JPH3: variants seen among roughly 807,000 people sequenced by gnomAD.
JPH3 encodes the protein junctophilin 3, also known as junctophilin-3.
Under a neutral mutation model 59.6 loss-of-function variants are expected in JPH3, and 11 were observed. The observed-to-expected ratio is 0.18, with a 90% CI of 0.12 to 0.31. JPH3 has a LOEUF of 0.31. JPH3 is among the 10% of genes least tolerant of loss of function. JPH3 has a pLI of 1.00. For synonymous variants in JPH3, 673 were observed against 483.6 expected (o/e 1.39, Z -5.14); for missense variants, 1,202 against 1,105.7 (o/e 1.09, Z -1.24).
At position 87,684,207 on chromosome 16, in the gene JPH3, C is replaced by T. The variant is rs1481216996; in HGVS notation, c.1226C>T (p.Ala409Val). The change falls in exon 3 of 5, where the codon GCG becomes GTG. Residue 409 changes from alanine (A) to valine (V), a missense_variant. By Grantham distance (64) the Ala-to-Val change is moderately conservative (BLOSUM62 0). Coordinates refer to ENST00000284262, the MANE Select transcript of JPH3 (RefSeq NM_020655.4). ...LTAAQKAQEEARIARITAKEF... is the reference protein window; with the variant it reads ...LTAAQKAQEEVRIARITAKEF... ...GCAGCTCAGAAAGCCCAGGAGGAGGCGCGGATCGCCAGGATCACTGCCAAA... is the reference window on the plus strand; with the variant it reads ...GCAGCTCAGAAAGCCCAGGAGGAGGTGCGGATCGCCAGGATCACTGCCAAA... 8 of 1,613,838 alleles carry T rather than the reference C, an allele frequency of 5.0e-6. No homozygotes were observed. The highest frequency in any genetic ancestry group is 4.0e-5 in the African/African-American group (3 of 74,926).
At chr16:87,641,202 G>A (rs1555536617) in intron 1 of JPH3, among the ~76,000 whole-genome samples, 1 of 152,200 alleles carries the variant, frequency 6.6e-6, no homozygotes, top group Non-Finnish European at 1.5e-5. Flanking sequence ...TGGGGTCCCT[G>A]GGGTCCGGTC....
In JPH3 at chr16:87,690,215, C is replaced by G; in HGVS notation, c.1855C>G (p.Leu619Val). ...CTACCGGATGGAGATGAAACCCTTG[C>G]TGAGGATGGAGACGCATCCCCAGAA... Reference protein sequence around the residue: ...SNYRMEMKPLLRMETHPQKRR... With the variant: ...SNYRMEMKPLVRMETHPQKRR... Residue 619 changes from leucine to valine, a missense_variant, in exon 4 of 5, where the codon CTG becomes GTG. By Grantham distance (32) the Leu-to-Val change is conservative (BLOSUM62 1). Coordinates refer to ENST00000284262, the MANE Select transcript of JPH3 (RefSeq NM_020655.4). 1 of 1,603,974 alleles carries G rather than the reference C, an allele frequency of 6.2e-7. No homozygotes were observed. Among genetic ancestry groups the G allele is most frequent in the Non-Finnish European group, 8.5e-7 (1 of 1,175,890 alleles).
At chr16:87,659,395 A>G (rs1333464119) in intron 2 of JPH3, among the ~76,000 whole-genome samples, 1 of 140,112 alleles carries the variant, frequency 7.1e-6, no homozygotes, top group Non-Finnish European at 1.6e-5. Context: ...AAGAAAAAAA[A>G]AAAGAAAACT....
intron 1 of JPH3, among the ~76,000 whole-genome samples, chr16:87,639,311 G>C (rs565092452): frequency 6.6e-6 from 1 of 151,792 alleles, no homozygotes; most frequent in African/African-American, 2.4e-5. Flanking sequence ...TCGAACTCAA[G>C]TCTGTCTGAG....
intron 2 of JPH3, among the ~76,000 whole-genome samples, chr16:87,661,929 C>T (rs74039439): frequency 0.021 from 3,167 of 152,352 alleles, 116 homozygotes; most frequent in African/African-American, 0.071. Flanking sequence ...GGGGCACGTA[C>T]GCCACCACTA....
At chr16:87,642,442 A>G (rs1013861430) in intron 1 of JPH3, among the ~76,000 whole-genome samples, 1 of 152,220 alleles carries the variant, frequency 6.6e-6, no homozygotes, top group African/African-American at 2.4e-5. Flanking sequence ...AGAGAGCTGA[A>G]TTTTTATGTC....
At chr16:87,621,018 G>A (rs1419348095) in intron 1 of JPH3, among the ~76,000 whole-genome samples, 2 of 152,200 alleles carry the variant, frequency 1.3e-5, no homozygotes, top group Non-Finnish European at 2.9e-5. Flanking sequence ...AATCAGCCAG[G>A]CATGGTGGCG....
At chr16:87,660,572 A>G (rs2032668056) in intron 2 of JPH3, among the ~76,000 whole-genome samples, 1 of 152,286 alleles carries the variant, frequency 6.6e-6, no homozygotes, top group East Asian at 1.9e-4. Flanking sequence ...AGGGTCTGGC[A>G]CATGTCCGTT....
At chr16:87,646,901 A>G (rs1334322588) in intron 2 of JPH3, among the ~76,000 whole-genome samples, 1 of 151,966 alleles carries the variant, frequency 6.6e-6, no homozygotes, top group Non-Finnish European at 1.5e-5. Context: ...GACTGGGGGG[A>G]CCTGCGACCT....
At chr16:87,685,772 G>C (rs1318899669) in intron 3 of JPH3, among the ~76,000 whole-genome samples, 1 of 152,258 alleles carries the variant, frequency 6.6e-6, no homozygotes, top group African/African-American at 2.4e-5. Flanking sequence ...CCTGCGGCCT[G>C]TTTTGTTTCC....
chr16:87,658,362 G>C (rs1110601), intron 2 of JPH3, among the ~76,000 whole-genome samples: 108,126 of 151,058 alleles, frequency 0.72, 39,014 homozygotes, highest in African/African-American at 0.8. Context: ...CCTTCTCCCC[G>C]CTTCTCCCCC....
At chr16:87,664,549 T>A (rs1437943258) in intron 2 of JPH3, among the ~76,000 whole-genome samples, 1 of 149,914 alleles carries the variant, frequency 6.7e-6, no homozygotes, top group Admixed American at 6.6e-5. Flanking sequence ...TGCTTGAACC[T>A]GGGAGGCGGA....
chr16:87,633,081 G>A (rs1056075308), intron 1 of JPH3, among the ~76,000 whole-genome samples: 2 of 152,262 alleles, frequency 1.3e-5, no homozygotes, highest in Middle Eastern at 3.4e-3. Context: ...GCTAGAGACT[G>A]AGAATTCTGT....
At chr16:87,683,170 G>A (rs373406504) in intron 2 of JPH3, among the ~76,000 whole-genome samples, 1 of 152,218 alleles carries the variant, frequency 6.6e-6, no homozygotes, top group South Asian at 2.1e-4. Context: ...AGGTGGTCCC[G>A]CAACCCACAC....
At chr16:87,665,391 G>GC (rs1257676536) in intron 2 of JPH3, among the ~76,000 whole-genome samples, 1 of 152,240 alleles carries the variant, frequency 6.6e-6, no homozygotes, top group Non-Finnish European at 1.5e-5. Context: ...CACCGGCCCA[G>GC]CCCCGCTGTG....
rs1303487704 is a variant in JPH3 at position 87,603,045 on chromosome 16, G to A, written c.-102G>A. 3 of 1,498,100 alleles carry A rather than the reference G, an allele frequency of 2.0e-6. No homozygotes were observed. The Admixed American group carries it at 5.8e-5, about 29-fold the overall frequency. The allele number at this position is 1,498,100 out of a possible 1,614,324, so 92.8% of individuals were successfully genotyped here. A position where few individuals can be genotyped will look rare whatever the true frequency, so the allele number is the denominator to read the frequency against. On this transcript the variant is annotated 5_prime_UTR_variant, in exon 1 of 5. Coordinates refer to ENST00000284262, the MANE Select transcript of JPH3 (RefSeq NM_020655.4). Reference sequence around the variant, plus strand: ...CGGGGCCGCGTCCTCCTCTCCTCCGGAAAACGCTCGCGACCCAGGGCCGCC... The same window carrying A: ...CGGGGCCGCGTCCTCCTCTCCTCCGAAAAACGCTCGCGACCCAGGGCCGCC...
chr16:87,623,684 G>A (rs1411284978), intron 1 of JPH3, among the ~76,000 whole-genome samples: 1 of 152,192 alleles, frequency 6.6e-6, no homozygotes, highest in Admixed American at 6.5e-5. Flanking sequence ...AGTGGTGCCT[G>A]AAATCTGAGG....
At chr16:87,656,258 C>G (rs569709024) in intron 2 of JPH3, among the ~76,000 whole-genome samples, 1 of 152,338 alleles carries the variant, frequency 6.6e-6, no homozygotes, top group East Asian at 1.9e-4. Context: ...CAGCCGAACC[C>G]TCAGCTGGAG....
At chr16:87,664,567 G>T (rs1012625793) in intron 2 of JPH3, among the ~76,000 whole-genome samples, 18 of 152,192 alleles carry the variant, frequency 1.2e-4, no homozygotes, top group African/African-American at 4.3e-4. Context: ...GGAGGTTGCA[G>T]TGAGCCGAGA....
Sources: allele counts gnomAD v4.1 joint callset (sites outside exome capture counted in the v4.1 genomes callset), GRCh38; gene constraint gnomAD v4.1.1; transcripts MANE v1.5; gene names NCBI Gene and HGNC (gene_info 2026-07-23, HGNC 2026-07-21).